Variants in ELMOD3 observed in about 807,000 individuals in gnomAD.
ELMOD3 encodes ELMO domain-containing protein 3.
Under a neutral mutation model 47.4 loss-of-function variants are expected in ELMOD3, and 36 were observed. That is an observed-to-expected ratio of 0.76 (90% CI 0.58 to 1.00). The LOEUF (loss-of-function observed/expected upper bound fraction) is 1.00. Among genes scored for constraint, ELMOD3 ranks in the 50% least tolerant of loss-of-function variants. ELMOD3 has a pLI of 0.00. For missense variants in ELMOD3, 404 were observed against 463.8 expected, an observed-to-expected ratio of 0.87 and a Z score of 1.18; for synonymous variants, 149 against 183.5, an observed-to-expected ratio of 0.81 and a Z score of 1.52.
At position 85,390,941 on chromosome 2, in the gene ELMOD3, C is replaced by T. The variant is rs1045235108; in HGVS notation, c.1125C>T (p.Ser375=). ...TGESDLQSHS[S]EGVWLI Reference sequence around the variant, plus strand: ...AGAGTGACCTGCAGTCTCACTCATCCGAAGGCGTATGGCTGATCTGACCTC... The same window carrying T: ...AGAGTGACCTGCAGTCTCACTCATCTGAAGGCGTATGGCTGATCTGACCTC... Residue 375 remains serine (S), a synonymous_variant, in exon 14 of 14, where the codon TCC becomes TCT. Coordinates refer to ENST00000409013, the MANE Select transcript of ELMOD3 (RefSeq NM_001135022.2). The T allele has an allele frequency of 2.0e-5, 31 of 1,551,462 alleles. No homozygotes were observed. Among genetic ancestry groups the T allele is most frequent in the African/African-American group, 1.5e-4 (11 of 73,000 alleles).
At chr2:85,390,512 G>A in intron 13 of ELMOD3, 1 of 1,599,290 alleles carries the variant, frequency 6.3e-7, no homozygotes, top group Non-Finnish European at 8.5e-7. Flanking sequence ...AAAATTGGGA[G>A]CCAGGGTCCA....
rs55652730 is a variant in ELMOD3 at position 85,364,280 on chromosome 2, AT to A, written c.199+1125del. On this transcript the variant is annotated intron_variant, in intron 6 of 13. Transcript: ENST00000409013. ...AATTGTGTACCACCAGGCATAGCTA[AT>A]TTTTTTTTTTAAGAGACAGGTTCAC... is the stretch of plus-strand genomic sequence containing the variant. Among the ~76,000 whole-genome samples, 248 of 147,798 alleles carry A rather than the reference AT, an allele frequency of 1.7e-3. 5 individuals carry two copies. The East Asian group carries it at 0.039, about 23-fold the overall frequency.
At chr2:85,385,074 C>G (rs1685835365) in intron 11 of ELMOD3, among the ~76,000 whole-genome samples, 1 of 152,148 alleles carries the variant, frequency 6.6e-6, no homozygotes, top group South Asian at 2.1e-4. Flanking sequence ...GTCAGGGTAG[C>G]TGTCATGAGA....
At chr2:85,369,304 T>G (rs1351175431) in intron 7 of ELMOD3, among the ~76,000 whole-genome samples, 1 of 152,236 alleles carries the variant, frequency 6.6e-6, no homozygotes, top group Non-Finnish European at 1.5e-5. Flanking sequence ...TATTGCTAAC[T>G]AATCAGTTAA....
At chr2:85,378,842 G>A (rs985128415) in intron 11 of ELMOD3, among the ~76,000 whole-genome samples, 2 of 152,056 alleles carry the variant, frequency 1.3e-5, no homozygotes, top group African/African-American at 2.4e-5. Flanking sequence ...GATCTCTTAC[G>A]GCTAGGATGG....
rs761914219 is a variant in ELMOD3 at position 85,368,733 on chromosome 2, G to T, written c.247G>T (p.Asp83Tyr). ...AGCCCAAGAAGAATGGGAAGCTGTG[G>T]ACACCATCCAGCCAGAGACAGGTAA... Reference protein sequence around the residue: ...VRAQEEWEAVDTIQPETGSQA... With the variant: ...VRAQEEWEAVYTIQPETGSQA... Residue 83 changes from aspartate to tyrosine, a missense_variant, in exon 7 of 14, where the codon GAC becomes TAC. Asp to Tyr is a radical substitution (Grantham distance 160). Coordinates refer to ENST00000409013, the MANE Select transcript of ELMOD3 (RefSeq NM_001135022.2). 5 of 1,614,142 alleles carry T rather than the reference G, an allele frequency of 3.1e-6. No individual in the cohort carries two copies. In the South Asian group the frequency reaches 5.5e-5, roughly 18 times the overall value.
chr2:85,358,827 C>T (rs938486105), intron 4 of ELMOD3, among the ~76,000 whole-genome samples: 1 of 152,166 alleles, frequency 6.6e-6, no homozygotes, highest in Non-Finnish European at 1.5e-5. Context: ...CCACCCTTGT[C>T]CCCCCAGCCA....
intron 10 of ELMOD3, among the ~76,000 whole-genome samples, chr2:85,373,423 G>GT (rs1684944320): frequency 1.3e-5 from 2 of 148,856 alleles, no homozygotes; most frequent in Admixed American, 1.3e-4. Context: ...TAAGATTTTT[G>GT]TTTCAATCAA....
At chr2:85,366,376 T>C (rs1371798241) in intron 6 of ELMOD3, among the ~76,000 whole-genome samples, 2 of 152,198 alleles carry the variant, frequency 1.3e-5, no homozygotes, top group African/African-American at 4.8e-5. Flanking sequence ...CTCTTAAAGC[T>C]GTCTTAGGAA....
At chr2:85,389,004 TG>T (rs1312214490) in intron 11 of ELMOD3, among the ~76,000 whole-genome samples, 1 of 152,182 alleles carries the variant, frequency 6.6e-6, no homozygotes, top group Non-Finnish European at 1.5e-5. Flanking sequence ...GCAAGTTCCC[TG>T]AAAAAAAGGC....
At position 85,390,743 on chromosome 2, in the gene ELMOD3, A is replaced by G; in HGVS notation, c.944-17A>G. ...AGCCCCCTCAAGCCTTCTGCTCCCC[A>G]ATTCTCTCTGTTGCAGAGTTGGAAG... On this transcript the variant is annotated splice_polypyrimidine_tract_variant and intron_variant, in intron 13 of 13. Transcript: ENST00000409013. 2 of 1,549,792 alleles carry G rather than the reference A, an allele frequency of 1.3e-6. No homozygotes were observed. Among genetic ancestry groups the G allele is most frequent in the Non-Finnish European group, 8.7e-7 (1 of 1,146,812 alleles).
chr2:85,384,303 A>G (rs1450077433), intron 11 of ELMOD3, among the ~76,000 whole-genome samples: 1 of 152,248 alleles, frequency 6.6e-6, no homozygotes, highest in Non-Finnish European at 1.5e-5. Flanking sequence ...TGGGAAAATT[A>G]GAGACAATGT....
chr2:85,364,823 A>ATT (rs1221956258), intron 6 of ELMOD3, among the ~76,000 whole-genome samples: 1,162 of 86,756 alleles, frequency 0.013, 17 homozygotes, highest in Non-Finnish European at 0.018. Flanking sequence ...ATATATATAT[A>ATT]TATTTTTTTT....
chr2:85,357,673 CA>C, intron 4 of ELMOD3: 1 of 153,542 alleles, frequency 6.5e-6, no homozygotes, highest in Non-Finnish European at 1.4e-5. Context: ...TTTGCCCACC[CA>C]AAAATGGTCT....
At chr2:85,384,895 C>T (rs1685825740) in intron 11 of ELMOD3, among the ~76,000 whole-genome samples, 1 of 152,036 alleles carries the variant, frequency 6.6e-6, no homozygotes, top group Admixed American at 6.6e-5. Flanking sequence ...CTTCTTGGTA[C>T]TTGGGATACA....
At chr2:85,370,366 G>T (rs1448588128) in intron 8 of ELMOD3, among the ~76,000 whole-genome samples, 1 of 151,500 alleles carries the variant, frequency 6.6e-6, no homozygotes, top group Non-Finnish European at 1.5e-5. Flanking sequence ...AGGAGTTCAA[G>T]GCTGCAGTAA....
At position 85,390,966 on chromosome 2, in the gene ELMOD3, C is replaced by T; in HGVS notation, c.*4C>T. 6.5e-7 allele frequency: 1 copy of T among 1,549,682 alleles called. No individual in the cohort carries two copies. The highest frequency in any genetic ancestry group is 1.4e-5 in the African/African-American group (1 of 73,094). ...CGAAGGCGTATGGCTGATCTGACCT[C>T]CGAGATGAATGGAGGCTTAAAGGCT... On this transcript the variant is annotated 3_prime_UTR_variant, in exon 14 of 14. Coordinates refer to ENST00000409013, the MANE Select transcript of ELMOD3 (RefSeq NM_001135022.2).
chr2:85,359,140 A>G (rs1430936449), intron 4 of ELMOD3, among the ~76,000 whole-genome samples: 1 of 152,180 alleles, frequency 6.6e-6, no homozygotes, highest in Non-Finnish European at 1.5e-5. Flanking sequence ...TTTCCCTATT[A>G]TAAACAGTAT....
chr2:85,368,628 A>G, intron 6 of ELMOD3, 58 bp from the exon 7 acceptor site: 1 of 1,568,702 alleles, frequency 6.4e-7, no homozygotes, highest in Non-Finnish European at 8.8e-7. Flanking sequence ...TGGGGTCTGC[A>G]GTAGAGGCCC....
Sources: gnomAD v4.1 joint callset for allele counts (sites outside exome capture counted in the v4.1 genomes callset) on GRCh38, gnomAD v4.1.1 for gene constraint, MANE v1.5 for transcripts, NCBI Gene and HGNC (gene_info 2026-07-23, HGNC 2026-07-21) for gene names.